The following CRPPA variants were observed in gnomAD, a reference collection of about 807,000 sequenced individuals.
The protein encoded by CRPPA is D-ribitol-5-phosphate cytidylyltransferase.
In CRPPA, 43 loss-of-function variants were observed where a neutral mutation model predicts 52.0. That is an observed-to-expected ratio of 0.83 (90% CI 0.65 to 1.07). The LOEUF is 1.07. Ranked by LOEUF, CRPPA falls within the 50% of genes least tolerant of loss-of-function variation. The pLI is 0.00. For synonymous variants in CRPPA, 250 were observed against 203.5 expected (o/e 1.23, Z -1.94); for missense variants, 629 against 551.7 (o/e 1.14, Z -1.40).
intron 9 of CRPPA, among the ~76,000 whole-genome samples, chr7:16,112,546 G>T (rs1248024640): frequency 6.6e-6 from 1 of 152,102 alleles, no homozygotes; most frequent in Non-Finnish European, 1.5e-5. Context: ...AGACAAGAAT[G>T]ACTGATGTGT....
At chr7:16,342,079 A>G (rs1158131392) in intron 3 of CRPPA, among the ~76,000 whole-genome samples, 2 of 152,106 alleles carry the variant, frequency 1.3e-5, no homozygotes, top group East Asian at 3.9e-4. Flanking sequence ...GCACCTACAC[A>G]CTTTATAAAA....
At chr7:16,403,508 G>A (rs191726203) in intron 2 of CRPPA, among the ~76,000 whole-genome samples, 39 of 152,214 alleles carry the variant, frequency 2.6e-4, no homozygotes, top group Middle Eastern at 3.4e-3. Flanking sequence ...AAATGTGTGT[G>A]AAGGGGACCT....
chr7:16,116,461 T>C (rs1161180356), intron 9 of CRPPA, among the ~76,000 whole-genome samples: 3 of 152,040 alleles, frequency 2.0e-5, no homozygotes, highest in Non-Finnish European at 2.9e-5. Context: ...GGTCAGGCAT[T>C]CAAGACCAGC....
chr7:16,300,006 G>T (rs10242599), intron 5 of CRPPA, among the ~76,000 whole-genome samples: 65 of 152,264 alleles, frequency 4.3e-4, no homozygotes, highest in African/African-American at 1.5e-3. Context: ...CTTGTGTTGA[G>T]GACACGACCG....
intron 3 of CRPPA, among the ~76,000 whole-genome samples, chr7:16,347,048 T>C (rs1786030606): frequency 6.6e-6 from 1 of 152,072 alleles, no homozygotes; most frequent in Non-Finnish European, 1.5e-5. Context: ...TATTTGTCCA[T>C]AATAACTAAT....
intron 9 of CRPPA, among the ~76,000 whole-genome samples, chr7:16,178,843 T>C (rs533141156): frequency 6.6e-6 from 1 of 152,270 alleles, no homozygotes; most frequent in African/African-American, 2.4e-5. Flanking sequence ...GTATTAATTG[T>C]GTCTTTATTA....
chr7:16,286,097 A>AAAAAAAATATATATAT, intron 5 of CRPPA, among the ~76,000 whole-genome samples: 7 of 39,116 alleles, frequency 1.8e-4, no homozygotes, highest in African/African-American at 1.8e-4. Context: ...TAAAAAAAAA[A>AAAAAAAATATATATAT]ATATATATAT....
At chr7:16,326,602 A>T (rs1785397453) in intron 3 of CRPPA, among the ~76,000 whole-genome samples, 2 of 152,202 alleles carry the variant, frequency 1.3e-5, no homozygotes, top group Non-Finnish European at 2.9e-5. Context: ...GTTGATGTTA[A>T]ATAACTTTTT....
At position 16,122,811 on chromosome 7, in the gene CRPPA, G is replaced by A. The variant is rs143943650; in HGVS notation, c.1252-31012C>T. ...TTGTCTAATTGGTATGGAAGAAGCC[G>A]GAGGGCTTGCTCTTCTTATTTTCAA... On this transcript the variant is annotated intron_variant, in intron 9 of 9. Coordinates refer to ENST00000407010, the MANE Select transcript of CRPPA (RefSeq NM_001101426.4). 1.5e-3 allele frequency among the ~76,000 whole-genome samples: 226 copies of A among 152,132 alleles called. 1 individual carries two copies. The highest frequency in any genetic ancestry group is 2.7e-3 in the Non-Finnish European group (183 of 67,922).
Position 16,091,499 on chromosome 7 carries a change from G to A in CRPPA, c.*196C>T, listed in dbSNP as rs1305928638. ...TTTCTGGTTCAGGCAATTAATATTT[G>A]TCATACACAAAAGTATTCTTTATTT... On this transcript the variant is annotated 3_prime_UTR_variant, in exon 10 of 10. Coordinates refer to ENST00000407010, the MANE Select transcript of CRPPA (RefSeq NM_001101426.4). 6.7e-6 allele frequency: 3 copies of A among 445,362 alleles called. No homozygotes were observed. The highest frequency in any genetic ancestry group is 4.2e-5 in the African/African-American group (2 of 47,858). The allele number at this position is 445,362 out of a possible 1,614,324, so 27.6% of individuals were successfully genotyped here. A position where few individuals can be genotyped will look rare whatever the true frequency, so the allele number is the denominator to read the frequency against.
intron 1 of CRPPA, among the ~76,000 whole-genome samples, chr7:16,420,405 C>T (rs1312411193): frequency 2.6e-5 from 4 of 152,148 alleles, no homozygotes; most frequent in African/African-American, 9.7e-5. Context: ...TTCACTTCCT[C>T]AGCTCCTCAC....
intron 9 of CRPPA, among the ~76,000 whole-genome samples, chr7:16,105,907 A>G (rs565827936): frequency 6.6e-6 from 1 of 152,242 alleles, no homozygotes; most frequent in South Asian, 2.1e-4. Context: ...AGGAAAGAAG[A>G]ATCCTACTTC....
chr7:16,299,541 G>A (rs780030866), intron 5 of CRPPA, among the ~76,000 whole-genome samples: 7 of 152,114 alleles, frequency 4.6e-5, no homozygotes, highest in Non-Finnish European at 2.9e-5. Context: ...AGCATTTACT[G>A]AGAGTAGAAA....
At chr7:16,213,890 C>T (rs1782226389) in intron 9 of CRPPA, among the ~76,000 whole-genome samples, 1 of 152,030 alleles carries the variant, frequency 6.6e-6, no homozygotes, top group African/African-American at 2.4e-5. Context: ...GAGATAAGGC[C>T]TGGTTTAAAT....
intron 8 of CRPPA, among the ~76,000 whole-genome samples, chr7:16,253,156 G>A (rs1019199400): frequency 3.3e-5 from 5 of 152,070 alleles, no homozygotes; most frequent in Non-Finnish European, 7.4e-5. Flanking sequence ...GCTTTTGAAT[G>A]TGTTTGCTCA....
intron 8 of CRPPA, among the ~76,000 whole-genome samples, chr7:16,250,019 G>T (rs1283054996): frequency 6.6e-6 from 1 of 152,176 alleles, no homozygotes; most frequent in Non-Finnish European, 1.5e-5. Context: ...AGAATAACCA[G>T]TGTAGAGAAG....
chr7:16,381,410 AC>A (rs1256710059), intron 2 of CRPPA, among the ~76,000 whole-genome samples: 29 of 152,100 alleles, frequency 1.9e-4, no homozygotes, highest in African/African-American at 6.8e-4. Flanking sequence ...TTTACTTCCA[AC>A]TATGTGGTCA....
rs1303885278 is a variant in CRPPA, at chr7:16,376,511, T to TA, written c.535-271dup. ...GATCACAGGCCATTGAAGTCAACAC[T>TA]AAAAAAAAAGATGCTAAGATCCAAT... On this transcript the variant is annotated intron_variant, in intron 2 of 9. Coordinates refer to ENST00000407010, the MANE Select transcript of CRPPA (RefSeq NM_001101426.4). Among the ~76,000 whole-genome samples the TA allele has an allele frequency of 0.01, 1,511 of 150,186 alleles. 26 individuals are homozygous for TA. Among genetic ancestry groups the TA allele is most frequent in the African/African-American group, 0.035 (1,430 of 40,992 alleles).
intron 9 of CRPPA, among the ~76,000 whole-genome samples, chr7:16,170,035 G>A (rs909689494): frequency 2.6e-5 from 4 of 152,128 alleles, no homozygotes; most frequent in Non-Finnish European, 4.4e-5. Flanking sequence ...AAGTAATTGC[G>A]GTTTTAATAC....
Sources: allele counts gnomAD v4.1 joint callset (sites outside exome capture counted in the v4.1 genomes callset), GRCh38; gene constraint gnomAD v4.1.1; transcripts MANE v1.5; gene names NCBI Gene and HGNC (gene_info 2026-07-23, HGNC 2026-07-21).